Variants in EGFLAM observed in about 807,000 individuals in gnomAD.
EGFLAM encodes the protein EGF like, fibronectin type III and laminin G domains.
Under a neutral mutation model 113.1 loss-of-function variants are expected in EGFLAM, and 79 were observed. The ratio of observed to expected loss-of-function variants is 0.70; its 90% CI spans 0.58 to 0.84. EGFLAM has a LOEUF of 0.84. EGFLAM is among the 40% of genes least tolerant of loss of function. EGFLAM has a pLI of 0.00. For missense variants in EGFLAM, 1,265 were observed against 1,291.6 expected (o/e 0.98, Z 0.32); for synonymous variants, 504 against 487.6 (o/e 1.03, Z -0.44).
intron 6 of EGFLAM, among the ~76,000 whole-genome samples, chr5:38,387,178 G>T (rs759124048): frequency 3.3e-5 from 5 of 152,134 alleles, no homozygotes; most frequent in Non-Finnish European, 7.4e-5. Context: ...AAAGGCATAG[G>T]GGCATAGAGG....
At chr5:38,379,167 G>A (rs12386490) in intron 6 of EGFLAM, among the ~76,000 whole-genome samples, 5,218 of 152,282 alleles carry the variant, frequency 0.034, 277 homozygotes, top group African/African-American at 0.12. Context: ...GAATCATTAG[G>A]ATGGGACTTG....
At chr5:38,388,542 G>C (rs1455497143) in intron 6 of EGFLAM, among the ~76,000 whole-genome samples, 2 of 151,930 alleles carry the variant, frequency 1.3e-5, no homozygotes, top group East Asian at 3.9e-4. Flanking sequence ...TCAGGGGTTT[G>C]AGACCAGCCT....
chr5:38,359,122 A>G (rs1477956048), intron 5 of EGFLAM, among the ~76,000 whole-genome samples: 2 of 152,310 alleles, frequency 1.3e-5, no homozygotes, highest in Admixed American at 6.5e-5. Context: ...TGCCTTTCTC[A>G]TAAGCAAATA....
intron 1 of EGFLAM, among the ~76,000 whole-genome samples, chr5:38,267,001 C>T (rs535317291): frequency 2.0e-5 from 3 of 152,262 alleles, no homozygotes; most frequent in Middle Eastern, 3.4e-3. Flanking sequence ...CCAAAGCAGG[C>T]TAGTGCTTTG....
intron 6 of EGFLAM, among the ~76,000 whole-genome samples, chr5:38,372,573 G>A (rs1259732578): frequency 6.6e-6 from 1 of 152,186 alleles, no homozygotes; most frequent in East Asian, 1.9e-4. Flanking sequence ...ATATGAAAGT[G>A]TTTTACAGAT....
At chr5:38,426,904 T>C in intron 13 of EGFLAM, 105 bp from the exon 14 acceptor site, 1 of 1,492,926 alleles carries the variant, frequency 6.7e-7, no homozygotes, top group Non-Finnish European at 9.0e-7. Flanking sequence ...CTGCTGGGAA[T>C]TGTAGTTTAG....
intron 6 of EGFLAM, among the ~76,000 whole-genome samples, chr5:38,379,110 T>A (rs2366979): frequency 0.12 from 17,683 of 152,108 alleles, 1,350 homozygotes; most frequent in African/African-American, 0.22. Flanking sequence ...AAGTTTCCTC[T>A]CTGGGAAGTG....
At chr5:38,463,786 ACACCTGTCCTTTGGCT>A (rs1422280465) in intron 21 of EGFLAM, 30 bp from the exon 22 acceptor site, 1 of 1,601,490 alleles carries the variant, frequency 6.2e-7, no homozygotes, top group Non-Finnish European at 8.5e-7. Flanking sequence ...TGCCCTGCGG[ACACCTGTCCTTTGGCT>A]CACCTCATCT....
At chr5:38,319,551 T>C (rs906099786) in intron 1 of EGFLAM, among the ~76,000 whole-genome samples, 7 of 152,130 alleles carry the variant, frequency 4.6e-5, no homozygotes, top group Non-Finnish European at 1.0e-4. Context: ...CTACGGGCTA[T>C]TGGGGGCAAC....
chr5:38,342,924 C>G (rs904003221), intron 3 of EGFLAM, among the ~76,000 whole-genome samples: 1 of 152,112 alleles, frequency 6.6e-6, no homozygotes, highest in Non-Finnish European at 1.5e-5. Context: ...CTTCTGGCAT[C>G]TCAGTGGATT....
intron 15 of EGFLAM, 84 bp downstream of exon 15, chr5:38,431,372 G>A (rs1441070660): frequency 1.4e-6 from 2 of 1,391,072 alleles, no homozygotes; most frequent in Non-Finnish European, 2.0e-6. Flanking sequence ...AAGCAGCAGA[G>A]TGTTCTGGTT....
chr5:38,318,974 G>A (rs1000342368), intron 1 of EGFLAM, among the ~76,000 whole-genome samples: 1 of 152,172 alleles, frequency 6.6e-6, no homozygotes, highest in Middle Eastern at 3.2e-3. Flanking sequence ...TTTCTAGAAG[G>A]CTGGTTGGAG....
chr5:38,364,966 G>C (rs1202353970), intron 5 of EGFLAM, among the ~76,000 whole-genome samples: 1 of 152,192 alleles, frequency 6.6e-6, no homozygotes, highest in Non-Finnish European at 1.5e-5. Flanking sequence ...ACAGGTGTCT[G>C]TCTGTGCTGT....
intron 1 of EGFLAM, among the ~76,000 whole-genome samples, chr5:38,319,136 T>A (rs1444802838): frequency 6.6e-6 from 1 of 152,120 alleles, no homozygotes; most frequent in East Asian, 1.9e-4. Flanking sequence ...CTTGTTCCAG[T>A]GCCCTGTCTC....
chr5:38,350,250 A>G (rs556251046), intron 3 of EGFLAM, among the ~76,000 whole-genome samples: 2 of 152,296 alleles, frequency 1.3e-5, no homozygotes, highest in South Asian at 2.1e-4. Flanking sequence ...AACATTTGCT[A>G]GTGTGAATGT....
chr5:38,431,333 A>T, intron 15 of EGFLAM, 45 bp downstream of exon 15: 4 of 1,580,502 alleles, frequency 2.5e-6, no homozygotes, highest in Non-Finnish European at 2.6e-6. Context: ...TGTGAGCCAG[A>T]TTACTGTTTT....
intron 1 of EGFLAM, among the ~76,000 whole-genome samples, chr5:38,270,488 T>TG (rs1171942436): frequency 7.6e-5 from 7 of 91,964 alleles, no homozygotes; most frequent in Non-Finnish European, 1.1e-4. Flanking sequence ...ACCATTAGTT[T>TG]GGAAAAAAAA....
At chr5:38,333,803 A>AATGAGATTCCATTTG in intron 1 of EGFLAM, among the ~76,000 whole-genome samples, 2 of 151,538 alleles carry the variant, frequency 1.3e-5, no homozygotes, top group African/African-American at 4.9e-5. Flanking sequence ...TCTTAAGTTT[A>AATGAGATTCCATTTG]ATGAGATTCC....
chr5:38,389,582 T>C (rs1317277992), intron 6 of EGFLAM, among the ~76,000 whole-genome samples: 1 of 152,186 alleles, frequency 6.6e-6, no homozygotes, highest in East Asian at 1.9e-4. Flanking sequence ...AGTTTATATG[T>C]AGGGGTAGGT....
Sources: allele counts gnomAD v4.1 joint callset (sites outside exome capture counted in the v4.1 genomes callset), GRCh38; gene constraint gnomAD v4.1.1; transcripts MANE v1.5; gene names NCBI Gene and HGNC (gene_info 2026-07-23, HGNC 2026-07-21).